SRFBP1: variants seen among roughly 807,000 people sequenced by gnomAD.
SRFBP1 encodes the protein serum response factor binding protein 1.
A neutral mutation model predicts 45.5 loss-of-function variants in SRFBP1; 47 were observed. The observed-to-expected ratio is 1.03, with a 90% CI of 0.82 to 1.32. SRFBP1 has a LOEUF of 1.32. SRFBP1 is among the 40% of genes most tolerant of loss of function. SRFBP1 has a pLI of 0.00. For missense variants in SRFBP1, 621 were observed against 484.6 expected (o/e 1.28, Z -2.64); for synonymous variants, 203 against 166.3 (o/e 1.22, Z -1.70).
intron 3 of SRFBP1, among the ~76,000 whole-genome samples, chr5:121,988,918 A>G (rs1752570477): frequency 6.6e-6 from 1 of 152,188 alleles, no homozygotes; most frequent in Non-Finnish European, 1.5e-5. Flanking sequence ...TAAAATTTGC[A>G]TATTACTATG....
chr5:122,002,824 C>A (rs1270856427), intron 4 of SRFBP1, among the ~76,000 whole-genome samples: 2 of 152,074 alleles, frequency 1.3e-5, no homozygotes, highest in South Asian at 2.1e-4. Context: ...TTAAAAAGTT[C>A]TTTGAACTGG....
At chr5:122,040,149 T>C (rs1391657564) in intron 2 of SRFBP1, among the ~76,000 whole-genome samples, 1 of 152,152 alleles carries the variant, frequency 6.6e-6, no homozygotes, top group Non-Finnish European at 1.5e-5. Context: ...GTCATTACTT[T>C]TGATTAATTT....
Position 122,027,790 on chromosome 5 carries a change from G to T in SRFBP1, c.*664G>T, listed in dbSNP as rs930266564. The T allele has an allele frequency of 3.9e-5, 6 of 151,940 alleles. No individual in the cohort carries two copies. The highest frequency in any genetic ancestry group is 8.8e-5 in the Non-Finnish European group (6 of 67,968). The allele number at this position is 151,940 out of a possible 1,614,324, so 9.4% of individuals were successfully genotyped here. ...AAGTACTTGTGATCATGTACTTTTT[G>T]ATTCTAAAATAGTTGTCTAGGACAA... On this transcript the variant is annotated 3_prime_UTR_variant, in exon 8 of 8. Coordinates refer to ENST00000339397, the MANE Select transcript of SRFBP1 (RefSeq NM_152546.3).
intron 4 of SRFBP1, among the ~76,000 whole-genome samples, chr5:122,013,373 A>G (rs1753133880): frequency 6.6e-6 from 1 of 152,132 alleles, no homozygotes; most frequent in African/African-American, 2.4e-5. Context: ...ATGTATATAC[A>G]CCATAAAATT....
intron 4 of SRFBP1, among the ~76,000 whole-genome samples, chr5:122,005,452 C>G (rs1385764295): frequency 6.6e-6 from 1 of 152,130 alleles, no homozygotes; most frequent in Middle Eastern, 3.2e-3. Context: ...AGTATAGTTA[C>G]TCCTACTGTC....
chr5:122,027,013 A>G lies in SRFBP1; in HGVS notation c.1177A>G (p.Lys393Glu), dbSNP rs1240373790. 1.2e-6 allele frequency: 2 copies of G among 1,613,202 alleles called. No homozygotes were observed. Among genetic ancestry groups the G allele is most frequent in the Middle Eastern group, 1.7e-4 (1 of 6,058 alleles). Residue 393 changes from lysine (K) to glutamate (E), a missense_variant, in exon 8 of 8, where the codon AAA (lysine) becomes GAA (glutamate). Lys to Glu is a moderately conservative substitution (Grantham distance 56, BLOSUM62 1). Transcript: ENST00000339397. ...GCTATCAGGAAGACTTGAAAATACA[A>G]AACAGCAATTGCAGCTGCCTCTTCA... ...KKLSGRLENT[K>E]QQLQLPLHPS... is the part of the protein sequence containing the mutation.
chr5:122,008,834 C>G (rs958431291), intron 4 of SRFBP1, among the ~76,000 whole-genome samples: 1 of 152,104 alleles, frequency 6.6e-6, no homozygotes, highest in African/African-American at 2.4e-5. Context: ...TGGCATATTT[C>G]AGAAACTAGG....
chr5:122,000,393 T>C (rs1259470839), intron 4 of SRFBP1, among the ~76,000 whole-genome samples: 1 of 152,116 alleles, frequency 6.6e-6, no homozygotes, highest in Non-Finnish European at 1.5e-5. Flanking sequence ...TTGATTGCTC[T>C]TTATTTCCTT....
rs183759212 is a variant in SRFBP1, at chr5:122,014,291, G to C, written c.271-4969G>C. On this transcript the variant is annotated intron_variant, in intron 4 of 7. Coordinates refer to ENST00000339397, the MANE Select transcript of SRFBP1 (RefSeq NM_152546.3). ...GCATATAATTATAGAACCTAAAGCT[G>C]TAGTATACATAATTCTACATAACTA... 1.9e-4 allele frequency among the ~76,000 whole-genome samples: 29 copies of C among 152,198 alleles called. No homozygotes were observed. The East Asian group carries it at 4.8e-3, about 25-fold the overall frequency.
intron 3 of SRFBP1, among the ~76,000 whole-genome samples, chr5:121,989,320 C>A (rs1291745612): frequency 2.0e-5 from 3 of 152,146 alleles, no homozygotes; most frequent in African/African-American, 7.2e-5. Context: ...CCCACCTCAG[C>A]CTCCCAAAGT....
intron 3 of SRFBP1, among the ~76,000 whole-genome samples, chr5:121,978,794 T>A (rs948451440): frequency 6.6e-6 from 1 of 152,138 alleles, no homozygotes; most frequent in Non-Finnish European, 1.5e-5. Flanking sequence ...TCCTGGCCTA[T>A]CTGTATTCTT....
At chr5:122,068,174 T>TAAAAAAAA (rs10650287) in intron 2 of SRFBP1, among the ~76,000 whole-genome samples, 3 of 115,888 alleles carry the variant, frequency 2.6e-5, no homozygotes, top group Non-Finnish European at 5.1e-5. Context: ...TAATAACTAG[T>TAAAAAAAA]AAAAAAAAAA....
intron 4 of SRFBP1, among the ~76,000 whole-genome samples, chr5:122,018,256 A>G (rs1753226926): frequency 6.6e-6 from 1 of 152,220 alleles, no homozygotes; most frequent in Non-Finnish European, 1.5e-5. Flanking sequence ...TTGTGTGGAA[A>G]ATTGACTGTT....
chr5:122,034,444 G>GCC (rs139980740), intron 2 of SRFBP1, among the ~76,000 whole-genome samples: 20 of 149,628 alleles, frequency 1.3e-4, no homozygotes, highest in African/African-American at 4.7e-4. Context: ...TGCCCTTAGC[G>GCC]CCCCCCCCAT....
At chr5:122,063,165 T>C (rs1218069823) in intron 2 of SRFBP1, 2 of 151,988 alleles carry the variant, frequency 1.3e-5, no homozygotes, top group Non-Finnish European at 2.9e-5. Context: ...ATCAGATGAT[T>C]TATTTATATA....
intron 4 of SRFBP1, among the ~76,000 whole-genome samples, chr5:121,998,593 C>A (rs565398045): frequency 3.8e-4 from 56 of 147,588 alleles, no homozygotes; most frequent in African/African-American, 1.4e-3. Context: ...TGCAGCGCAC[C>A]AGCATGGCAC....
intron 2 of SRFBP1, among the ~76,000 whole-genome samples, chr5:122,069,044 T>C (rs1328516364): frequency 6.6e-6 from 1 of 152,106 alleles, no homozygotes; most frequent in African/African-American, 2.4e-5. Context: ...TGTGACTCTG[T>C]TTTTTCAGTG....
At chr5:121,972,686 G>A (rs1752224025) in intron 1 of SRFBP1, among the ~76,000 whole-genome samples, 1 of 151,832 alleles carries the variant, frequency 6.6e-6, no homozygotes, top group African/African-American at 2.4e-5. Context: ...CAGTGGATTG[G>A]TGGTCCTAAT....
intron 3 of SRFBP1, among the ~76,000 whole-genome samples, chr5:121,986,231 T>G (rs1201924427): frequency 2.0e-5 from 3 of 151,848 alleles, no homozygotes; most frequent in Non-Finnish European, 4.4e-5. Context: ...TAACAAAAAT[T>G]GATAGGCCAA....
Sources: allele counts gnomAD v4.1 joint callset (sites outside exome capture counted in the v4.1 genomes callset), GRCh38; gene constraint gnomAD v4.1.1; transcripts MANE v1.5; gene names NCBI Gene and HGNC (gene_info 2026-07-23, HGNC 2026-07-21).